Variants in THADA observed in about 807,000 individuals in gnomAD.
THADA encodes the protein tRNA (32-2'-O)-methyltransferase regulator THADA.
In THADA, 213 loss-of-function variants were observed where a neutral mutation model predicts 219.8. That is an observed-to-expected ratio of 0.97 (90% CI 0.87 to 1.09). The LOEUF (loss-of-function observed/expected upper bound fraction) is 1.09. THADA is among the 50% of genes least tolerant of loss of function. The pLI is 0.00. For missense variants in THADA, 2,956 were observed against 2,311.3 expected (o/e 1.28, Z -5.72); for synonymous variants, 1,018 against 828.9 (o/e 1.23, Z -3.92).
intron 26 of THADA, among the ~76,000 whole-genome samples, chr2:43,457,956 C>G (rs2104918420): frequency 6.6e-6 from 1 of 152,152 alleles, no homozygotes; most frequent in East Asian, 1.9e-4. Context: ...AGGGGATATC[C>G]TTACATACAC....
intron 34 of THADA, among the ~76,000 whole-genome samples, chr2:43,288,918 G>C (rs1446080923): frequency 2.0e-5 from 3 of 152,162 alleles, no homozygotes; most frequent in Non-Finnish European, 4.4e-5. Context: ...TCATCACAAA[G>C]AGAAACTCTG....
intron 31 of THADA, among the ~76,000 whole-genome samples, chr2:43,294,139 A>G (rs942580797): frequency 2.6e-5 from 4 of 152,128 alleles, no homozygotes; most frequent in Admixed American, 6.5e-5. Context: ...GTTAAATTTT[A>G]TCCTCCTGTT....
At chr2:43,353,020 A>C (rs139034122) in intron 29 of THADA, among the ~76,000 whole-genome samples, 2 of 152,268 alleles carry the variant, frequency 1.3e-5, no homozygotes, top group Non-Finnish European at 2.9e-5. Flanking sequence ...TGTCTGGCTT[A>C]TTTCTCTCAG....
At chr2:43,584,973 T>C (rs554702176) in intron 7 of THADA, among the ~76,000 whole-genome samples, 1 of 152,310 alleles carries the variant, frequency 6.6e-6, no homozygotes, top group African/African-American at 2.4e-5. Flanking sequence ...CGCCAAATAC[T>C]GAGACCTCAG....
At chr2:43,591,861 T>C (rs1369695910) in intron 3 of THADA, 91 bp downstream of exon 3, 1 of 811,490 alleles carries the variant, frequency 1.2e-6, no homozygotes, top group South Asian at 3.2e-5. Context: ...TATGCAATAA[T>C]TAGGGACCAA....
chr2:43,536,127 T>A (rs1330460923), intron 21 of THADA, among the ~76,000 whole-genome samples: 2 of 152,148 alleles, frequency 1.3e-5, no homozygotes. Context: ...GATTTTTGTA[T>A]AGAGTGAGAG....
chr2:43,562,547 GTTTTC>G (rs911948212), intron 15 of THADA: 4 of 152,158 alleles, frequency 2.6e-5, no homozygotes, highest in African/African-American at 4.8e-5. Context: ...CACCCGGCTG[GTTTTC>G]TTTTAAGTGT....
At chr2:43,574,297 T>A (rs765443414) in intron 11 of THADA, 39 bp downstream of exon 11, 245 of 1,385,252 alleles carry the variant, frequency 1.8e-4, no homozygotes, top group East Asian at 4.8e-4. Context: ...TTAAGCATCA[T>A]AATTAGAAAC....
At chr2:43,378,170 G>C (rs1292996870) in intron 29 of THADA, among the ~76,000 whole-genome samples, 1 of 152,262 alleles carries the variant, frequency 6.6e-6, no homozygotes, top group East Asian at 1.9e-4. Context: ...TCTCAGGGTG[G>C]GATGGGGAAG....
intron 22 of THADA, among the ~76,000 whole-genome samples, chr2:43,511,034 T>C (rs1038822): frequency 0.71 from 107,951 of 151,556 alleles, 39,940 homozygotes; most frequent in African/African-American, 0.87. Flanking sequence ...TTTAGCTACC[T>C]AAGAAGAAAA....
chr2:43,308,432 C>T (rs1485027734), intron 31 of THADA, among the ~76,000 whole-genome samples: 7 of 150,814 alleles, frequency 4.6e-5, no homozygotes, highest in African/African-American at 7.3e-5. Flanking sequence ...GGGCTGGGCA[C>T]GGTGGCTCAC....
intron 28 of THADA, 68 bp from the exon 29 acceptor site, chr2:43,398,207 A>C: frequency 4.0e-6 from 6 of 1,518,468 alleles, no homozygotes; most frequent in Non-Finnish European, 5.4e-6. Context: ...GTATATACTT[A>C]CATTCTATCT....
At chr2:43,411,157 T>C (rs1676248137) in intron 28 of THADA, among the ~76,000 whole-genome samples, 1 of 152,210 alleles carries the variant, frequency 6.6e-6, no homozygotes, top group African/African-American at 2.4e-5. Flanking sequence ...CTTTCACATG[T>C]TCTAGACAGG....
chr2:43,248,161 A>C (rs1195887377), intron 36 of THADA, among the ~76,000 whole-genome samples: 125 of 48,670 alleles, frequency 2.6e-3, no homozygotes, highest in African/African-American at 0.015. Flanking sequence ...ATATATATAT[A>C]TATAGAGAGA....
chr2:43,514,491 A>T (rs1690920741), intron 22 of THADA, among the ~76,000 whole-genome samples: 1 of 139,348 alleles, frequency 7.2e-6, no homozygotes, highest in Admixed American at 7.9e-5. Context: ...TAATATACAT[A>T]ATATATACGT....
chr2:43,579,638 A>T (rs912587299), intron 8 of THADA, among the ~76,000 whole-genome samples: 3 of 152,212 alleles, frequency 2.0e-5, no homozygotes, highest in African/African-American at 7.2e-5. Flanking sequence ...AACTAAAGGT[A>T]GGCATATAAG....
intron 4 of THADA, 69 bp downstream of exon 4, chr2:43,590,755 A>G: frequency 6.5e-7 from 1 of 1,549,610 alleles, no homozygotes; most frequent in Non-Finnish European, 8.8e-7. Context: ...AAACCAAGGA[A>G]GGAACTTCAG....
At chr2:43,306,840 G>C (rs965673994) in intron 31 of THADA, among the ~76,000 whole-genome samples, 4 of 152,212 alleles carry the variant, frequency 2.6e-5, no homozygotes, top group African/African-American at 9.7e-5. Context: ...CCCTGGATGT[G>C]ATGGCCATTC....
chr2:43,455,573 G>C (rs1334174625), intron 26 of THADA, among the ~76,000 whole-genome samples: 1 of 151,726 alleles, frequency 6.6e-6, no homozygotes, highest in African/African-American at 2.4e-5. Flanking sequence ...GAGTAATTCT[G>C]TCAGTTAAAA....
Sources: allele counts gnomAD v4.1 joint callset (sites outside exome capture counted in the v4.1 genomes callset), GRCh38; gene constraint gnomAD v4.1.1; transcripts MANE v1.5; gene names NCBI Gene and HGNC (gene_info 2026-07-23, HGNC 2026-07-21).